MAP3K5: variants seen among roughly 807,000 people sequenced by gnomAD.
The protein encoded by MAP3K5 is ASK-1.
MAP3K5 carries 56 observed loss-of-function variants against 158.7 expected under a neutral mutation model. That is an observed-to-expected ratio of 0.35 (90% CI 0.28 to 0.44). MAP3K5 has a LOEUF of 0.44. MAP3K5 is among the 20% of genes least tolerant of loss of function. The pLI is 1.00. For missense variants in MAP3K5, 1,294 were observed against 1,674.8 expected (o/e 0.77, Z 3.97); for synonymous variants, 579 against 601.7 (o/e 0.96, Z 0.55).
intron 1 of MAP3K5, among the ~76,000 whole-genome samples, chr6:136,778,342 T>A (rs1271154358): frequency 2.6e-5 from 4 of 152,152 alleles, no homozygotes; most frequent in Admixed American, 2.6e-4. Flanking sequence ...ATAGCAGTAA[T>A]AAACCCTGTT....
intron 1 of MAP3K5, among the ~76,000 whole-genome samples, chr6:136,787,306 G>A (rs1011914879): frequency 3.3e-5 from 5 of 152,214 alleles, no homozygotes; most frequent in African/African-American, 4.8e-5. Context: ...CAGCATCCTG[G>A]CACAGAGGCA....
At chr6:136,775,649 C>G (rs968520298) in intron 1 of MAP3K5, among the ~76,000 whole-genome samples, 3 of 152,204 alleles carry the variant, frequency 2.0e-5, no homozygotes, top group Non-Finnish European at 4.4e-5. Flanking sequence ...ATGATTGCTT[C>G]ATACATCCAC....
At chr6:136,579,069 TATATTTCAGAATGCTCTATA>T (rs1774746976) in intron 25 of MAP3K5, among the ~76,000 whole-genome samples, 1 of 152,082 alleles carries the variant, frequency 6.6e-6, no homozygotes, top group African/African-American at 2.4e-5. Flanking sequence ...CTTTTAAATT[TATATTTCAGAATGCTCTATA>T]ATATAGGTAC....
intron 14 of MAP3K5, among the ~76,000 whole-genome samples, chr6:136,631,928 G>A (rs1394333334): frequency 6.6e-6 from 1 of 152,162 alleles, no homozygotes; most frequent in Non-Finnish European, 1.5e-5. Flanking sequence ...TAGGCCAGAG[G>A]AGTGGGCCAA....
intron 2 of MAP3K5, among the ~76,000 whole-genome samples, chr6:136,710,295 A>T (rs1345555212): frequency 6.6e-6 from 1 of 152,228 alleles, no homozygotes; most frequent in Admixed American, 6.5e-5. Context: ...GAATAAGAAG[A>T]TAAAATCAAT....
chr6:136,585,696 C>T (rs1277893306), intron 23 of MAP3K5, among the ~76,000 whole-genome samples: 1 of 151,368 alleles, frequency 6.6e-6, no homozygotes, highest in African/African-American at 2.4e-5. Flanking sequence ...GAGGTTTCGC[C>T]ATGTTGGCCA....
intron 1 of MAP3K5, among the ~76,000 whole-genome samples, chr6:136,757,586 A>ATTTTTTTTTTTTTTT (rs897486770): frequency 1.6e-5 from 2 of 127,814 alleles, no homozygotes; most frequent in Admixed American, 7.9e-5. Flanking sequence ...TTTATTTTTT[A>ATTTTTTTTTTTTTTT]TTTTTTTTTT....
At chr6:136,674,221 A>G (rs1779606129) in intron 7 of MAP3K5, among the ~76,000 whole-genome samples, 1 of 152,218 alleles carries the variant, frequency 6.6e-6, no homozygotes, top group Admixed American at 6.5e-5. Flanking sequence ...AGTGCTTCAG[A>G]CTAAAGGAAA....
chr6:136,578,336 GA>G (rs1477478076), intron 25 of MAP3K5, among the ~76,000 whole-genome samples: 1 of 152,160 alleles, frequency 6.6e-6, no homozygotes, highest in Non-Finnish European at 1.5e-5. Context: ...ATAATCAGGT[GA>G]AACTCATTTA....
chr6:136,682,892 A>T (rs1779993468), intron 7 of MAP3K5, among the ~76,000 whole-genome samples: 1 of 152,220 alleles, frequency 6.6e-6, no homozygotes, highest in Admixed American at 6.5e-5. Flanking sequence ...CAGACTCTAT[A>T]CATTTTCCCT....
rs186290561 is a variant in MAP3K5, at chr6:136,791,543, C to G, written c.448+167G>C. Among the ~76,000 whole-genome samples the G allele has an allele frequency of 2.1e-4, 32 of 152,334 alleles. No individual in the cohort carries two copies. In the East Asian group the frequency reaches 5.8e-3, roughly 28 times the overall value. On this transcript the variant is annotated intron_variant, in intron 1 of 29. Coordinates refer to ENST00000359015, the MANE Select transcript of MAP3K5 (RefSeq NM_005923.4). ...AGACTCTTGCACAAGCACACACGCT[C>G]TCTCCGGAGCGGCGAGCGACAGGAG... is the stretch of plus-strand genomic sequence containing the variant.
At chr6:136,687,911 C>T (rs915704223) in intron 7 of MAP3K5, among the ~76,000 whole-genome samples, 3 of 152,146 alleles carry the variant, frequency 2.0e-5, no homozygotes, top group African/African-American at 4.8e-5. Context: ...CCAGCAATCC[C>T]ATTATTGGTA....
intron 14 of MAP3K5, among the ~76,000 whole-genome samples, chr6:136,631,212 CT>C (rs1263088945): frequency 2.0e-5 from 3 of 152,310 alleles, no homozygotes; most frequent in African/African-American, 4.8e-5. Flanking sequence ...AAGAAAAAGG[CT>C]TTTCCCCGTT....
At position 136,605,253 on chromosome 6, in the gene MAP3K5, G is replaced by A. The variant is rs542820765; in HGVS notation, c.2635C>T (p.Pro879Ser). The A allele has an allele frequency of 5.0e-6, 8 of 1,614,090 alleles. No individual in the cohort carries two copies. In the Admixed American group the frequency reaches 1.0e-4, roughly 20 times the overall value. ...CTIIEMATGK[P>S]PFYELGEPQA... ...GGTTCTCCCAGTTCATAAAATGGGG[G>A]TTTTCCTGTGGCCATTTCAATGATT... is the stretch of plus-strand genomic sequence containing the variant. The change falls in exon 19 of 30, where the codon CCC becomes TCC. Residue 879 changes from proline (P) to serine (S), a missense_variant. Pro to Ser is a moderately conservative substitution (Grantham distance 74, BLOSUM62 -1). Around this residue, in one of 5 missense-constraint regions of MAP3K5, gnomAD observed 362 missense variants for 463.2 expected, o/e 0.78. Transcript: ENST00000359015.
chr6:136,752,482 G>C (rs761623825), intron 1 of MAP3K5, among the ~76,000 whole-genome samples: 3 of 152,134 alleles, frequency 2.0e-5, no homozygotes. Context: ...CGTGATCTTG[G>C]CTCACTGCAA....
At chr6:136,744,199 A>G (rs1021666157) in intron 1 of MAP3K5, among the ~76,000 whole-genome samples, 4 of 152,174 alleles carry the variant, frequency 2.6e-5, no homozygotes, top group African/African-American at 9.7e-5. Context: ...AAGGTTCACC[A>G]ATTGTAACAA....
In MAP3K5 at chr6:136,710,484, G is replaced by A. The variant is rs78733112; in HGVS notation, c.589-5351C>T. 2.7e-4 allele frequency among the ~76,000 whole-genome samples: 41 copies of A among 152,076 alleles called. 1 individual carries two copies. The East Asian group carries it at 7.1e-3, about 27-fold the overall frequency. On this transcript the variant is annotated intron_variant, in intron 2 of 29. Transcript: ENST00000359015. ...ATTGGTTGATAACCAATTAAGGGGAGCAAGACTAAAAAAAAAAATCTAGTC... is the reference window on the plus strand; with the variant it reads ...ATTGGTTGATAACCAATTAAGGGGAACAAGACTAAAAAAAAAAATCTAGTC...
At chr6:136,788,312 A>G (rs1784930328) in intron 1 of MAP3K5, among the ~76,000 whole-genome samples, 1 of 152,248 alleles carries the variant, frequency 6.6e-6, no homozygotes. Context: ...TAAGACCTCA[A>G]ACCATAAGAG....
chr6:136,631,789 C>A (rs1230535375), intron 14 of MAP3K5, among the ~76,000 whole-genome samples: 1 of 152,090 alleles, frequency 6.6e-6, no homozygotes, highest in Non-Finnish European at 1.5e-5. Context: ...GATTGAATCT[C>A]TTTTACTTGG....
Sources: allele counts gnomAD v4.1 joint callset (sites outside exome capture counted in the v4.1 genomes callset), GRCh38; gene constraint gnomAD v4.1.1; regional missense constraint gnomAD v4.1.1; transcripts MANE v1.5; gene names NCBI Gene and HGNC (gene_info 2026-07-23, HGNC 2026-07-21).